MAP3K13: variants seen among roughly 807,000 people sequenced by gnomAD.
MAP3K13 encodes the protein mitogen-activated protein kinase kinase kinase 13.
Under a neutral mutation model 104.0 loss-of-function variants are expected in MAP3K13, and 52 were observed. That is an observed-to-expected ratio of 0.50 (90% CI 0.40 to 0.63). MAP3K13 has a LOEUF of 0.63. MAP3K13 is among the 20% of genes least tolerant of loss of function. The probability of loss-of-function intolerance (pLI) is 0.00; values close to 1 mark genes in which losing one functional copy is unlikely to be tolerated. For missense variants in MAP3K13, 914 were observed against 1,218.5 expected, an observed-to-expected ratio of 0.75 and a Z score of 3.72; for synonymous variants, 394 against 442.2, an observed-to-expected ratio of 0.89 and a Z score of 1.37.
At chr3:185,333,844 AG>A (rs1195993120) in intron 2 of MAP3K13, among the ~76,000 whole-genome samples, 1 of 152,212 alleles carries the variant, frequency 6.6e-6, no homozygotes, top group African/African-American at 2.4e-5. Context: ...GCCTGAGCTC[AG>A]GAGTTCAAGA....
intron 2 of MAP3K13, among the ~76,000 whole-genome samples, chr3:185,331,870 C>T (rs1208117519): frequency 6.6e-6 from 1 of 152,132 alleles, no homozygotes. Flanking sequence ...TATTTCCCTC[C>T]TTTTTACACA....
chr3:185,379,907 C>T (rs879704870), intron 1 of MAP3K13, among the ~76,000 whole-genome samples: 9 of 152,152 alleles, frequency 5.9e-5, no homozygotes, highest in South Asian at 2.1e-4. Flanking sequence ...CATTCTTGGC[C>T]GGGTGCAGTG....
intron 1 of MAP3K13, among the ~76,000 whole-genome samples, chr3:185,380,811 T>C (rs1386784350): frequency 6.6e-6 from 1 of 152,166 alleles, no homozygotes; most frequent in Non-Finnish European, 1.5e-5. Context: ...GGACCACATT[T>C]TGTGAGTAGC....
chr3:185,294,361 G>A (rs1720845840), intron 2 of MAP3K13, among the ~76,000 whole-genome samples: 1 of 152,174 alleles, frequency 6.6e-6, no homozygotes, highest in Non-Finnish European at 1.5e-5. Flanking sequence ...CATTGATGAA[G>A]AACTAATTTT....
At chr3:185,479,103 C>G (rs552805539) in intron 12 of MAP3K13, among the ~76,000 whole-genome samples, 6 of 152,170 alleles carry the variant, frequency 3.9e-5, no homozygotes, top group Admixed American at 3.9e-4. Flanking sequence ...TCATCAGAGC[C>G]AAACTCAGAT....
rs1277734457 is a variant in MAP3K13 at position 185,477,914 on chromosome 3, T to G, written c.2501+518T>G. ...TTTCCTCACATGGCAGAGAGAGCTC[T>G]TCCTTCTTTTAAAAGGTCACAGTCT... is the stretch of plus-strand genomic sequence containing the variant. On this transcript the variant is annotated intron_variant, in intron 12 of 13. Transcript: ENST00000265026. Among the ~76,000 whole-genome samples the G allele has an allele frequency of 2.0e-5, 3 of 152,200 alleles. No homozygotes were observed. The East Asian group carries it at 5.8e-4, about 29-fold the overall frequency.
rs1016353161 is a variant in MAP3K13, at chr3:185,355,488, G to T, written c.-86+69845G>T. ...TCTCAAAAAAAAAAAAAAAAAATTA[G>T]CCGGACATAGTGGCGTACACCTGAA... On this transcript the variant is annotated intron_variant, in intron 2 of 14. Coordinates refer to the MAP3K13 transcript ENST00000424227. Among the ~76,000 whole-genome samples the T allele has an allele frequency of 2.7e-5, 4 of 146,790 alleles. No individual in the cohort carries two copies. The East Asian group carries it at 8.0e-4, about 29-fold the overall frequency.
At chr3:185,434,586 A>G (rs1714919832) in intron 2 of MAP3K13, among the ~76,000 whole-genome samples, 1 of 152,210 alleles carries the variant, frequency 6.6e-6, no homozygotes. Context: ...TAAAAATAGG[A>G]ACTACATGAA....
At chr3:185,398,489 A>G (rs1712558434) in intron 1 of MAP3K13, among the ~76,000 whole-genome samples, 1 of 152,128 alleles carries the variant, frequency 6.6e-6, no homozygotes, top group Non-Finnish European at 1.5e-5. Flanking sequence ...CATTAGAACT[A>G]ATTGCGTTTG....
At chr3:185,479,298 G>T (rs921131360) in intron 12 of MAP3K13, among the ~76,000 whole-genome samples, 2 of 152,208 alleles carry the variant, frequency 1.3e-5, no homozygotes, top group African/African-American at 4.8e-5. Context: ...TTGACAGGGA[G>T]GTGAGGGATG....
In MAP3K13 at chr3:185,418,654, G is replaced by A; in HGVS notation, c.-85-9843G>A. The A allele has an allele frequency of 6.2e-7, 1 of 1,611,758 alleles. No homozygotes were observed. The highest frequency in any genetic ancestry group is 8.5e-7 in the Non-Finnish European group (1 of 1,179,118). ...CTGTCTGTTGTTTTTGCGCAAGTTG[G>A]TGTGAACAAAGTTCACAATATCTGG... On this transcript the variant is annotated intron_variant, in intron 1 of 13. Coordinates refer to ENST00000265026, the MANE Select transcript of MAP3K13 (RefSeq NM_004721.5). The surrounding 1 kb of genome is among the most constrained non-coding windows in gnomAD (Gnocchi z 4.5).
At position 185,292,743 on chromosome 3, in the gene MAP3K13, G is replaced by A. The variant is rs943857062; in HGVS notation, c.-86+7100G>A. On this transcript the variant is annotated intron_variant, in intron 2 of 14. Transcript: ENST00000424227. Reference sequence around the variant, plus strand: ...GTTGGATACATGGCAACAAGGCTATGTTAAATTTTTTTTCTCTGAGTTGAG... The same window carrying A: ...GTTGGATACATGGCAACAAGGCTATATTAAATTTTTTTTCTCTGAGTTGAG... The A allele has an allele frequency of 4.1e-6, 4 of 985,238 alleles. No individual in the cohort carries two copies. The African/African-American group carries it at 7.0e-5, about 17-fold the overall frequency. The allele number at this position is 985,238 out of a possible 1,614,324, so 61.0% of individuals were successfully genotyped here. A position where few individuals can be genotyped will look rare whatever the true frequency, so the allele number is the denominator to read the frequency against.
At chr3:185,283,128 A>C (rs547905903) in intron 1 of MAP3K13, 1 of 152,854 alleles carries the variant, frequency 6.5e-6, no homozygotes, top group South Asian at 2.1e-4. Flanking sequence ...AGGTTAGGTA[A>C]TGGACAGCAT....
chr3:185,474,930 A>C (rs1718024333), intron 11 of MAP3K13, among the ~76,000 whole-genome samples: 1 of 151,984 alleles, frequency 6.6e-6, no homozygotes, highest in Non-Finnish European at 1.5e-5. Flanking sequence ...TCCTATCTCT[A>C]CCAAAAATAC....
At chr3:185,392,835 G>A (rs1225335485) in intron 1 of MAP3K13, among the ~76,000 whole-genome samples, 2 of 152,014 alleles carry the variant, frequency 1.3e-5, no homozygotes, top group African/African-American at 4.8e-5. Flanking sequence ...GATCACCTGA[G>A]GTCAGGAGTT....
intron 1 of MAP3K13, among the ~76,000 whole-genome samples, chr3:185,384,100 TCTC>T (rs1455265612): frequency 6.6e-6 from 1 of 152,146 alleles, no homozygotes; most frequent in Non-Finnish European, 1.5e-5. Context: ...CATCCCCTCT[TCTC>T]CACTCTTCCC....
intron 2 of MAP3K13, among the ~76,000 whole-genome samples, chr3:185,344,526 G>A (rs1340955525): frequency 1.3e-5 from 2 of 152,064 alleles, no homozygotes; most frequent in African/African-American, 4.8e-5. Flanking sequence ...AACTGAATAT[G>A]CACTTGACCC....
At chr3:185,395,361 T>C (rs111613487) in intron 1 of MAP3K13, among the ~76,000 whole-genome samples, 35 of 5,358 alleles carry the variant, frequency 6.5e-3, no homozygotes, top group Middle Eastern at 0.17. Flanking sequence ...TTATTTCTTT[T>C]TTTTTTTTTT....
chr3:185,451,513 T>C (rs528531349), intron 7 of MAP3K13, 118 bp downstream of exon 7: 20 of 670,200 alleles, frequency 3.0e-5, no homozygotes, highest in East Asian at 5.2e-5. Context: ...ACTCCATTCA[T>C]TGTGACACAA....
Sources: gnomAD v4.1 joint callset for allele counts (sites outside exome capture counted in the v4.1 genomes callset) on GRCh38, gnomAD v4.1.1 for gene constraint, Gnocchi (gnomAD v3.1) non-coding constraint, MANE v1.5 for transcripts, NCBI Gene and HGNC (gene_info 2026-07-23, HGNC 2026-07-21) for gene names.